Variants in TTC28 observed in about 807,000 individuals in gnomAD.
TTC28 encodes the protein tetratricopeptide repeat domain 28.
In TTC28, 61 loss-of-function variants were observed where a neutral mutation model predicts 198.0. The observed-to-expected ratio is 0.31, with a 90% CI of 0.25 to 0.38. TTC28 has a LOEUF of 0.38. Among genes scored for constraint, TTC28 ranks in the 10% least tolerant of loss-of-function variants. The pLI is 1.00. For synonymous variants in TTC28, 1,171 were observed against 1,297.8 expected, an observed-to-expected ratio of 0.90 and a Z score of 2.10; for missense variants, 2,678 against 3,164.0, an observed-to-expected ratio of 0.85 and a Z score of 3.69.
rs531669578 is a variant in TTC28 at position 28,276,305 on chromosome 22, G to A, written c.933+19893C>T. On this transcript the variant is annotated intron_variant, in intron 5 of 22. Coordinates refer to ENST00000397906, the MANE Select transcript of TTC28 (RefSeq NM_001145418.2). ...TGGGATTACAGGTGTGAGCCACAGCGCCTGGCCCACTATTTTTTATTATAG... is the reference window on the plus strand; with the variant it reads ...TGGGATTACAGGTGTGAGCCACAGCACCTGGCCCACTATTTTTTATTATAG... Among the ~76,000 whole-genome samples, 16 of 152,238 alleles carry A rather than the reference G, an allele frequency of 1.1e-4. No individual in the cohort carries two copies. The East Asian group carries it at 1.5e-3, about 15-fold the overall frequency.
At chr22:28,390,123 G>A (rs1274938368) in intron 2 of TTC28, among the ~76,000 whole-genome samples, 2 of 152,066 alleles carry the variant, frequency 1.3e-5, no homozygotes, top group African/African-American at 2.4e-5. Flanking sequence ...TCAGGAGCAG[G>A]TTGTTCAGTT....
intron 20 of TTC28, 115 bp downstream of exon 20, chr22:27,990,674 G>C: frequency 9.7e-7 from 1 of 1,026,834 alleles, no homozygotes. Flanking sequence ...CGCAGCCCGT[G>C]TGGCTCCGTT....
chr22:28,093,932 T>C (rs998043205), intron 12 of TTC28, 148 bp downstream of exon 12: 9 of 800,578 alleles, frequency 1.1e-5, no homozygotes, highest in East Asian at 8.3e-5. Context: ...GAGACACATA[T>C]TTGTTTCTGC....
Position 27,998,580 on chromosome 22 carries a change from C to T in TTC28, c.5079G>A (p.Val1693=), listed in dbSNP as rs1457292464. ...SAALGEAMKV[V]QSSKAFSHPS... is the part of the protein sequence containing the mutation. ...GGTGCGAGAAGGCCTTGCTGCTCTG[C>T]ACCACCTTCATGGCCTCCCCCAGGG... The change falls in exon 16 of 23, where the codon GTG becomes GTA. Residue 1693 remains valine (V), a synonymous_variant. Transcript: ENST00000397906. 6 of 1,550,644 alleles carry T rather than the reference C, an allele frequency of 3.9e-6. No homozygotes were observed. The highest frequency in any genetic ancestry group is 3.6e-5 in the South Asian group (3 of 84,060).
At chr22:28,629,514 T>G (rs2051136027) in intron 2 of TTC28, 38 bp downstream of exon 2, 1 of 1,502,386 alleles carries the variant, frequency 6.7e-7, no homozygotes, top group Non-Finnish European at 8.9e-7. Context: ...GGACAAAAGA[T>G]TCTATGAAAA....
At chr22:28,422,596 G>A (rs1447309155) in intron 2 of TTC28, among the ~76,000 whole-genome samples, 6 of 151,688 alleles carry the variant, frequency 4.0e-5, no homozygotes, top group African/African-American at 1.2e-4. Flanking sequence ...CCGCCACCAC[G>A]CCTGGCTAAT....
intron 6 of TTC28, among the ~76,000 whole-genome samples, chr22:28,143,837 AG>A (rs1482981693): frequency 6.6e-6 from 1 of 152,228 alleles, no homozygotes; most frequent in Non-Finnish European, 1.5e-5. Flanking sequence ...TCACCAGCAA[AG>A]GAAAAAACTT....
At chr22:28,657,834 A>C (rs140491205) in intron 1 of TTC28, among the ~76,000 whole-genome samples, 575 of 152,224 alleles carry the variant, frequency 3.8e-3, no homozygotes, top group Admixed American at 8.0e-3. Flanking sequence ...AGCTGAAATC[A>C]CACCACTGCA....
chr22:28,619,051 A>C (rs1211631007), intron 2 of TTC28, among the ~76,000 whole-genome samples: 1 of 152,214 alleles, frequency 6.6e-6, no homozygotes, highest in Non-Finnish European at 1.5e-5. Context: ...TAAAAAACTT[A>C]TAAAGCTAAT....
chr22:28,156,584 A>C (rs546979936), intron 6 of TTC28, among the ~76,000 whole-genome samples: 140 of 152,376 alleles, frequency 9.2e-4, no homozygotes, highest in African/African-American at 2.6e-3. Flanking sequence ...AAGGGAATTA[A>C]GAAAGCTAGG....
At chr22:28,109,558 T>C (rs577881238) in intron 6 of TTC28, among the ~76,000 whole-genome samples, 1 of 152,356 alleles carries the variant, frequency 6.6e-6, no homozygotes, top group East Asian at 1.9e-4. Flanking sequence ...TCATGAACCA[T>C]ATTATAGCTG....
intron 12 of TTC28, among the ~76,000 whole-genome samples, chr22:28,061,278 A>G (rs1263550352): frequency 2.0e-5 from 3 of 152,240 alleles, no homozygotes; most frequent in Non-Finnish European, 1.5e-5. Flanking sequence ...TGTTTTAGAC[A>G]TGAAGTCCTT....
chr22:28,140,327 T>G (rs913940297), intron 6 of TTC28, among the ~76,000 whole-genome samples: 1 of 152,214 alleles, frequency 6.6e-6, no homozygotes, highest in African/African-American at 2.4e-5. Context: ...GATGTGCCTC[T>G]GAATCTCCCC....
chr22:28,167,157 C>A (rs1005161903), intron 5 of TTC28, among the ~76,000 whole-genome samples: 1 of 152,190 alleles, frequency 6.6e-6, no homozygotes, highest in Non-Finnish European at 1.5e-5. Flanking sequence ...CAATAACAGG[C>A]TCTCAAATTG....
intron 1 of TTC28, among the ~76,000 whole-genome samples, chr22:28,635,446 G>C (rs2051254292): frequency 6.6e-6 from 1 of 152,062 alleles, no homozygotes; most frequent in Non-Finnish European, 1.5e-5. Flanking sequence ...TTCCAAAATA[G>C]AGAAAAATAT....
intron 5 of TTC28, among the ~76,000 whole-genome samples, chr22:28,257,739 C>CATAAATATATATAT (rs1555952252): frequency 1.0e-5 from 1 of 96,602 alleles, no homozygotes; most frequent in Non-Finnish European, 2.0e-5. Context: ...GGTAATAGAA[C>CATAAATATATATAT]ATATATATAT....
At chr22:28,557,259 C>T (rs911325190) in intron 2 of TTC28, among the ~76,000 whole-genome samples, 2 of 152,108 alleles carry the variant, frequency 1.3e-5, no homozygotes, top group Non-Finnish European at 2.9e-5. Flanking sequence ...ATTGTCTCTC[C>T]TGCATTTTCT....
chr22:28,592,297 G>T (rs2146094509), intron 2 of TTC28, among the ~76,000 whole-genome samples: 1 of 152,146 alleles, frequency 6.6e-6, no homozygotes, highest in South Asian at 2.1e-4. Flanking sequence ...GCTACAGTGA[G>T]CTATGATCAT....
At position 28,001,529 on chromosome 22, in the gene TTC28, C is replaced by T. The variant is rs9608659; in HGVS notation, c.4243G>A (p.Val1415Met). 26 of 1,550,958 alleles carry T rather than the reference C, an allele frequency of 1.7e-5. No individual in the cohort carries two copies. The Middle Eastern group carries it at 6.7e-4, about 40-fold the overall frequency. The change falls in exon 15 of 23, where the codon GTG becomes ATG. Residue 1415 changes from valine to methionine, a missense_variant. Transcript: ENST00000397906. Reference protein sequence around the residue: ...EGGLMHSSGPVGRHRQLILVL... With the variant: ...EGGLMHSSGPMGRHRQLILVL... ...AGGATGAGCTGCCGGTGCCGGCCCA[C>T]GGGGCCGCTGGAGTGCATCAGGCCC...
Sources: gnomAD v4.1 joint callset for allele counts (sites outside exome capture counted in the v4.1 genomes callset) on GRCh38, gnomAD v4.1.1 for gene constraint, MANE v1.5 for transcripts, NCBI Gene and HGNC (gene_info 2026-07-23, HGNC 2026-07-21) for gene names.